The following PPARD variants were observed in gnomAD, a reference collection of about 807,000 sequenced individuals.
PPARD encodes peroxisome proliferator activated receptor delta.
PPARD carries 6 observed loss-of-function variants against 39.5 expected under a neutral mutation model. The observed-to-expected ratio is 0.15, with a 90% CI of 0.08 to 0.30. The LOEUF (loss-of-function observed/expected upper bound fraction) is 0.30, where lower values mean the gene tolerates loss of function less well. PPARD is among the 10% of genes least tolerant of loss of function. The pLI is 1.00. For missense variants in PPARD, 397 were observed against 596.8 expected, an observed-to-expected ratio of 0.67 and a Z score of 3.49; for synonymous variants, 210 against 231.3, an observed-to-expected ratio of 0.91 and a Z score of 0.83.
chr6:35,396,699 A>G (rs1329230729), intron 2 of PPARD, among the ~76,000 whole-genome samples: 2 of 151,778 alleles, frequency 1.3e-5, no homozygotes, highest in East Asian at 2.0e-4. Flanking sequence ...GCGTGGTAGC[A>G]TGCGCCTGTA....
chr6:35,389,345 C>T (rs1216981245), intron 2 of PPARD, among the ~76,000 whole-genome samples: 1 of 151,862 alleles, frequency 6.6e-6, no homozygotes, highest in Non-Finnish European at 1.5e-5. Context: ...GAGTCTTGCT[C>T]TTGTGCCCCA....
At chr6:35,403,106 C>A (rs1188879794) in intron 2 of PPARD, among the ~76,000 whole-genome samples, 1 of 152,184 alleles carries the variant, frequency 6.6e-6, no homozygotes, top group Non-Finnish European at 1.5e-5. Context: ...GTTCTCTCCC[C>A]ACAATTGATG....
rs1432767640 is a variant in PPARD, at chr6:35,347,143, C to A, written c.-109C>A. 1 of 1,536,084 alleles carries A rather than the reference C, an allele frequency of 6.5e-7. No individual in the cohort carries two copies. Among genetic ancestry groups the A allele is most frequent in the Non-Finnish European group, 8.7e-7 (1 of 1,146,908 alleles). On this transcript the variant is annotated 5_prime_UTR_variant, in exon 2 of 8. Coordinates refer to ENST00000360694, the MANE Select transcript of PPARD (RefSeq NM_006238.5). ...TCACCAACAGATGAAGACAGATGCA[C>A]CAACGAGGTAATCCCATTTTCTTTA...
intron 2 of PPARD, among the ~76,000 whole-genome samples, chr6:35,389,772 A>C (rs970070913): frequency 6.6e-6 from 1 of 152,222 alleles, no homozygotes; most frequent in African/African-American, 2.4e-5. Flanking sequence ...AAAGAAGTAA[A>C]ATGCAATAGC....
chr6:35,426,368 TCTCCCTTGCC>T lies in PPARD; in HGVS notation c.*297_*306del. 1 of 479,604 alleles carries T rather than the reference TCTCCCTTGCC, an allele frequency of 2.1e-6. No individual in the cohort carries two copies. Among genetic ancestry groups the T allele is most frequent in the East Asian group, 3.8e-5 (1 of 26,052 alleles). The allele number at this position is 479,604 out of a possible 1,614,324, so 29.7% of individuals were successfully genotyped here. ...CTTTCTGTAGGTTTCTCTCTTCCCT[TCTCCCTTGCC>T]CTCCCTTTCTCTCTCCACCCCCCAC... On this transcript the variant is annotated 3_prime_UTR_variant, in exon 8 of 8. Transcript: ENST00000360694.
At chr6:35,383,513 C>T (rs1476879892) in intron 2 of PPARD, among the ~76,000 whole-genome samples, 2 of 148,778 alleles carry the variant, frequency 1.3e-5, no homozygotes, top group Admixed American at 6.7e-5. Flanking sequence ...GTGGGGAGCC[C>T]CTCTGCCTGG....
chr6:35,402,592 G>C (rs992234274), intron 2 of PPARD, among the ~76,000 whole-genome samples: 1 of 152,126 alleles, frequency 6.6e-6, no homozygotes, highest in Non-Finnish European at 1.5e-5. Flanking sequence ...GGAATGCGTG[G>C]GTGGCCTCCT....
At chr6:35,394,604 C>T (rs1028885557) in intron 2 of PPARD, among the ~76,000 whole-genome samples, 17 of 151,942 alleles carry the variant, frequency 1.1e-4, no homozygotes, top group African/African-American at 3.9e-4. Context: ...AACCCCATCT[C>T]TACTAAAAAT....
chr6:35,346,269 G>T (rs1476771805), intron 1 of PPARD, among the ~76,000 whole-genome samples: 1 of 152,096 alleles, frequency 6.6e-6, no homozygotes, highest in Non-Finnish European at 1.5e-5. Flanking sequence ...GCTGAACAGT[G>T]GTGCCTTGCT....
chr6:35,346,705 T>G (rs1792204159), intron 1 of PPARD, among the ~76,000 whole-genome samples: 1 of 152,234 alleles, frequency 6.6e-6, no homozygotes, highest in Non-Finnish European at 1.5e-5. Context: ...GATTGGCATG[T>G]GACTCCAGTT....
intron 2 of PPARD, among the ~76,000 whole-genome samples, chr6:35,357,002 G>C (rs1761653579): frequency 6.6e-6 from 1 of 152,204 alleles, no homozygotes; most frequent in African/African-American, 2.4e-5. Context: ...CAACAGAGGA[G>C]AGTGTCCACA....
chr6:35,349,637 T>C (rs1292595452), intron 2 of PPARD, among the ~76,000 whole-genome samples: 1 of 152,110 alleles, frequency 6.6e-6, no homozygotes, highest in East Asian at 1.9e-4. Context: ...TAGCTGGGAC[T>C]ACAGGTGCAC....
intron 2 of PPARD, among the ~76,000 whole-genome samples, chr6:35,388,364 G>C (rs1198959904): frequency 6.6e-6 from 1 of 152,132 alleles, no homozygotes; most frequent in East Asian, 1.9e-4. Flanking sequence ...TGCCGCGGGG[G>C]CAGGAAGGGG....
chr6:35,394,900 G>A (rs1394505750), intron 2 of PPARD, among the ~76,000 whole-genome samples: 4 of 151,914 alleles, frequency 2.6e-5, no homozygotes, highest in Admixed American at 6.6e-5. Flanking sequence ...TCTCAGCATT[G>A]CCACTGCCAT....
Position 35,424,848 on chromosome 6 carries a change from A to AG in PPARD, c.1078+72dup. On this transcript the variant is annotated intron_variant, in intron 7 of 7. Coordinates refer to ENST00000360694, the MANE Select transcript of PPARD (RefSeq NM_006238.5). The surrounding 1 kb of genome is among the most constrained non-coding windows in gnomAD (Gnocchi z 7.1). ...CGTCCTGGGGGTTGGCCCTCACTGC[A>AG]GGGCACTGTGCCTGAGCTCTGACAG... is the stretch of plus-strand genomic sequence containing the variant. 1.9e-6 allele frequency: 3 copies of AG among 1,561,550 alleles called. No homozygotes were observed. In the South Asian group the frequency reaches 3.6e-5, roughly 19 times the overall value.
intron 2 of PPARD, among the ~76,000 whole-genome samples, chr6:35,354,438 T>C (rs1446647283): frequency 6.6e-6 from 1 of 151,272 alleles, no homozygotes; most frequent in African/African-American, 2.4e-5. Context: ...GTAGCTGGGA[T>C]TATAGGCGAC....
intron 2 of PPARD, among the ~76,000 whole-genome samples, chr6:35,403,322 C>A (rs994025011): frequency 2.0e-5 from 3 of 152,320 alleles, no homozygotes; most frequent in Non-Finnish European, 4.4e-5. Context: ...GTTATTTATT[C>A]CACACAGCAG....
chr6:35,402,613 T>A lies in PPARD; in HGVS notation c.-101-8374T>A, dbSNP rs143853683. Among the ~76,000 whole-genome samples, 1,181 of 152,222 alleles carry A rather than the reference T, an allele frequency of 7.8e-3. 3 individuals carry two copies. Among genetic ancestry groups the A allele is most frequent in the Non-Finnish European group, 0.012 (812 of 67,980 alleles). On this transcript the variant is annotated intron_variant, in intron 2 of 7. Coordinates refer to ENST00000360694, the MANE Select transcript of PPARD (RefSeq NM_006238.5). Reference sequence around the variant, plus strand: ...CGTGGGTGGCCTCCTGGCTGTCTTTTCTCTGGTTCCAGCACTCTCTGAACA... The same window carrying A: ...CGTGGGTGGCCTCCTGGCTGTCTTTACTCTGGTTCCAGCACTCTCTGAACA...
rs957048775 is a variant in PPARD at position 35,342,675 on chromosome 6, G to A, written c.-192G>A. On this transcript the variant is annotated 5_prime_UTR_variant, in exon 1 of 8. Coordinates refer to ENST00000360694, the MANE Select transcript of PPARD (RefSeq NM_006238.5). ...GGCGGCGGTGGCGCCGTAGGCAGCC[G>A]GGACAGGTCAGTCCGAGACGAGAGA... 17 of 152,786 alleles carry A rather than the reference G, an allele frequency of 1.1e-4. No individual in the cohort carries two copies. The highest frequency in any genetic ancestry group is 3.9e-4 in the African/African-American group (16 of 41,466). The allele number at this position is 152,786 out of a possible 1,614,324, so 9.5% of individuals were successfully genotyped here. A position where few individuals can be genotyped will look rare whatever the true frequency, so the allele number is the denominator to read the frequency against.
Sources: gnomAD v4.1 joint callset for allele counts (sites outside exome capture counted in the v4.1 genomes callset) on GRCh38, gnomAD v4.1.1 for gene constraint, Gnocchi (gnomAD v3.1) non-coding constraint, MANE v1.5 for transcripts, NCBI Gene and HGNC (gene_info 2026-07-23, HGNC 2026-07-21) for gene names.